SCAPER: variants seen among roughly 807,000 people sequenced by gnomAD.
The protein encoded by SCAPER is S phase cyclin A-associated protein in the endoplasmic reticulum.
Under a neutral mutation model 182.2 loss-of-function variants are expected in SCAPER, and 98 were observed. That is an observed-to-expected ratio of 0.54 (90% CI 0.46 to 0.64). The LOEUF is 0.64. Ranked by LOEUF, SCAPER falls within the 30% of genes least tolerant of loss-of-function variation. The probability of loss-of-function intolerance (pLI) is 0.00; values close to 1 mark genes in which losing one functional copy is unlikely to be tolerated. For synonymous variants in SCAPER, 605 were observed against 564.6 expected, an observed-to-expected ratio of 1.07 and a Z score of -1.01; for missense variants, 1,432 against 1,690.0, an observed-to-expected ratio of 0.85 and a Z score of 2.68.
At chr15:76,451,267 C>T (rs527913358) in intron 25 of SCAPER, among the ~76,000 whole-genome samples, 13 of 152,246 alleles carry the variant, frequency 8.5e-5, no homozygotes, top group South Asian at 2.1e-4. Flanking sequence ...TTCACCTGTT[C>T]GTGGACATGT....
intron 27 of SCAPER, among the ~76,000 whole-genome samples, chr15:76,394,377 G>A (rs1355899126): frequency 6.6e-6 from 1 of 152,164 alleles, no homozygotes; most frequent in Non-Finnish European, 1.5e-5. Flanking sequence ...AGACCAGATA[G>A]GGGACTTTAA....
intron 4 of SCAPER, among the ~76,000 whole-genome samples, chr15:76,844,462 C>T (rs947605429): frequency 6.6e-6 from 1 of 151,986 alleles, no homozygotes; most frequent in East Asian, 1.9e-4. Flanking sequence ...CATCTTCAAC[C>T]TCAGATTAAG....
intron 21 of SCAPER, among the ~76,000 whole-genome samples, chr15:76,650,116 T>C (rs562195022): frequency 3.9e-5 from 6 of 152,248 alleles, no homozygotes; most frequent in South Asian, 2.1e-4. Context: ...TGAAATACTA[T>C]AATATTATTT....
intron 2 of SCAPER, among the ~76,000 whole-genome samples, chr15:76,883,239 T>A (rs1405075328): frequency 4.6e-5 from 7 of 152,226 alleles, no homozygotes; most frequent in Non-Finnish European, 7.3e-5. Context: ...CCAAAGGAAT[T>A]ATCGAGGCAG....
At position 76,701,731 on chromosome 15, in the gene SCAPER, T is replaced by C. The variant is rs2058961375; in HGVS notation, c.2508+27A>G. On this transcript the variant is annotated intron_variant, in intron 20 of 31. Transcript: ENST00000563290. ...CACATATTGGGTACTCAATAAACAA[T>C]TGTAAATGAACAAAAATAAAGTTTA... 6 of 1,565,926 alleles carry C rather than the reference T, an allele frequency of 3.8e-6. No homozygotes were observed. In the East Asian group the frequency reaches 6.7e-5, roughly 18 times the overall value.
At chr15:76,670,656 T>C (rs531025930) in intron 20 of SCAPER, among the ~76,000 whole-genome samples, 1 of 152,206 alleles carries the variant, frequency 6.6e-6, no homozygotes, top group Non-Finnish European at 1.5e-5. Context: ...GGTTTGCCAG[T>C]ATGTGGTGTT....
chr15:76,812,138 A>C (rs1408183151), intron 5 of SCAPER, among the ~76,000 whole-genome samples: 1 of 152,010 alleles, frequency 6.6e-6, no homozygotes. Flanking sequence ...GTATGGTGAA[A>C]CCCTGTCTCT....
intron 5 of SCAPER, among the ~76,000 whole-genome samples, chr15:76,828,849 C>A (rs1452498718): frequency 6.6e-6 from 1 of 152,064 alleles, no homozygotes; most frequent in Non-Finnish European, 1.5e-5. Context: ...ACAGGCAAAT[C>A]AAAACGATAA....
chr15:76,711,081 C>A (rs572000973), intron 17 of SCAPER, among the ~76,000 whole-genome samples: 3 of 152,184 alleles, frequency 2.0e-5, no homozygotes, highest in Admixed American at 2.0e-4. Flanking sequence ...ATGCTAAGTG[C>A]TAACTGAAAC....
intron 23 of SCAPER, among the ~76,000 whole-genome samples, chr15:76,573,797 T>C (rs989036032): frequency 2.0e-5 from 3 of 152,152 alleles, no homozygotes; most frequent in African/African-American, 7.2e-5. Flanking sequence ...TGGTGTTTTG[T>C]AGAAATCTGG....
rs186288129 is a variant in SCAPER, at chr15:76,563,721, T to C, written c.2838+10437A>G. ...TGGAAGAGATACAACAAAGAAAACT[T>C]GAGGCCAATATCCTTGAAGAACATC... is the stretch of plus-strand genomic sequence containing the variant. On this transcript the variant is annotated intron_variant, in intron 23 of 31. Transcript: ENST00000563290. Among the ~76,000 whole-genome samples the C allele has an allele frequency of 3.4e-3, 518 of 152,236 alleles. 2 individuals carry two copies. The highest frequency in any genetic ancestry group is 5.0e-3 in the Non-Finnish European group (339 of 68,000).
At chr15:76,392,752 C>T (rs1162679400) in intron 27 of SCAPER, among the ~76,000 whole-genome samples, 2 of 152,198 alleles carry the variant, frequency 1.3e-5, no homozygotes, top group African/African-American at 4.8e-5. Flanking sequence ...AAAGCTGAAA[C>T]TGAGCCCACA....
intron 29 of SCAPER, among the ~76,000 whole-genome samples, chr15:76,371,453 G>C (rs1025638176): frequency 1.3e-5 from 2 of 151,854 alleles, no homozygotes; most frequent in Admixed American, 6.5e-5. Context: ...CCCAGTTGCT[G>C]GGATTATAGG....
chr15:76,535,453 C>T (rs1013401468), intron 23 of SCAPER, among the ~76,000 whole-genome samples: 2 of 123,450 alleles, frequency 1.6e-5, no homozygotes, highest in African/African-American at 6.1e-5. Context: ...ACCCAGGAGG[C>T]GGAGGTTGCA....
At chr15:76,506,071 A>C (rs544973635) in intron 23 of SCAPER, among the ~76,000 whole-genome samples, 30 of 151,948 alleles carry the variant, frequency 2.0e-4, no homozygotes, top group East Asian at 9.7e-4. Context: ...GGAGATAGAG[A>C]ATGGAAGGAT....
At chr15:76,816,979 C>A (rs1236515446) in intron 5 of SCAPER, among the ~76,000 whole-genome samples, 1 of 152,192 alleles carries the variant, frequency 6.6e-6, no homozygotes, top group East Asian at 1.9e-4. Flanking sequence ...TTATCATCAT[C>A]ATCAAGTACT....
rs80132513 is a variant in SCAPER at position 76,759,586 on chromosome 15, G to A, written c.1725+5375C>T. 6.4e-4 allele frequency among the ~76,000 whole-genome samples: 98 copies of A among 152,218 alleles called. No homozygotes were observed. The East Asian group carries it at 0.018, about 29-fold the overall frequency. ...TTAAACTTCATTATGTGTCTTGGAA[G>A]GAATAAACATTAAAACAACAGCATT... is the stretch of plus-strand genomic sequence containing the variant. On this transcript the variant is annotated intron_variant, in intron 14 of 31. Transcript: ENST00000563290.
chr15:76,480,469 A>G (rs2051019687), intron 24 of SCAPER, among the ~76,000 whole-genome samples: 1 of 152,214 alleles, frequency 6.6e-6, no homozygotes, highest in South Asian at 2.1e-4. Flanking sequence ...CCCACCTGAA[A>G]GCACGTACCA....
chr15:76,610,523 A>G (rs982003978), intron 22 of SCAPER, among the ~76,000 whole-genome samples: 2 of 152,224 alleles, frequency 1.3e-5, no homozygotes, highest in African/African-American at 4.8e-5. Flanking sequence ...TCACACACAA[A>G]GAAAACCGTA....
Sources: allele counts gnomAD v4.1 joint callset (sites outside exome capture counted in the v4.1 genomes callset), GRCh38; gene constraint gnomAD v4.1.1; transcripts MANE v1.5; gene names NCBI Gene and HGNC (gene_info 2026-07-23, HGNC 2026-07-21).